FRMD5: variants seen among roughly 807,000 people sequenced by gnomAD.
FRMD5 encodes the protein FERM domain containing 5, also known as FERM domain-containing protein 5.
FRMD5 carries 20 observed loss-of-function variants against 69.0 expected under a neutral mutation model. That is an observed-to-expected ratio of 0.29 (90% CI 0.20 to 0.42). The LOEUF is 0.42. FRMD5 is among the 10% of genes least tolerant of loss of function. The pLI is 1.00. For missense variants in FRMD5, 595 were observed against 708.6 expected (o/e 0.84, Z 1.82); for synonymous variants, 271 against 260.1 (o/e 1.04, Z -0.40).
chr15:43,999,632 C>A (rs1261488813), intron 1 of FRMD5, among the ~76,000 whole-genome samples: 1 of 151,950 alleles, frequency 6.6e-6, no homozygotes, highest in African/African-American at 2.4e-5. Flanking sequence ...CTTTTTTACT[C>A]TTTTTATGCG....
intron 1 of FRMD5, among the ~76,000 whole-genome samples, chr15:44,065,352 T>C (rs1013594134): frequency 5.9e-5 from 9 of 151,714 alleles, no homozygotes; most frequent in Non-Finnish European, 1.3e-4. Context: ...AATTTAGAAA[T>C]CAATTCAAAA....
At chr15:44,032,839 C>CA (rs1891742551) in intron 1 of FRMD5, among the ~76,000 whole-genome samples, 1 of 152,094 alleles carries the variant, frequency 6.6e-6, no homozygotes, top group Non-Finnish European at 1.5e-5. Flanking sequence ...ACCATTGGAC[C>CA]CAGCAATCCC....
intron 7 of FRMD5, among the ~76,000 whole-genome samples, chr15:43,894,764 A>T (rs534952967): frequency 6.6e-6 from 1 of 152,230 alleles, no homozygotes; most frequent in Non-Finnish European, 1.5e-5. Flanking sequence ...CCCCCACTAG[A>T]ACCACAGTGG....
At chr15:44,107,862 A>G (rs1295769697) in intron 1 of FRMD5, among the ~76,000 whole-genome samples, 6 of 152,228 alleles carry the variant, frequency 3.9e-5, no homozygotes, top group Admixed American at 3.9e-4. Context: ...TTGTTATATC[A>G]TTGCTCCTAC....
At chr15:44,088,531 T>C (rs1426205555) in intron 1 of FRMD5, among the ~76,000 whole-genome samples, 1 of 152,198 alleles carries the variant, frequency 6.6e-6, no homozygotes, top group Non-Finnish European at 1.5e-5. Context: ...ATTCCATGTG[T>C]GCACCTCTGA....
chr15:44,083,322 T>C (rs1272503292), intron 1 of FRMD5, among the ~76,000 whole-genome samples: 4 of 152,050 alleles, frequency 2.6e-5, no homozygotes, highest in Non-Finnish European at 5.9e-5. Flanking sequence ...ATTTATTTGA[T>C]AAACTCCTCT....
At chr15:43,939,520 G>T (rs2089825067) in intron 1 of FRMD5, among the ~76,000 whole-genome samples, 1 of 151,950 alleles carries the variant, frequency 6.6e-6, no homozygotes, top group South Asian at 2.1e-4. Flanking sequence ...TCTTATAGTT[G>T]TTCTCTGGGG....
At chr15:44,097,406 A>T (rs141444160) in intron 1 of FRMD5, among the ~76,000 whole-genome samples, 1 of 152,226 alleles carries the variant, frequency 6.6e-6, no homozygotes, top group East Asian at 1.9e-4. Context: ...CTTAGGGCTT[A>T]TCTGGGTCAG....
chr15:44,004,915 G>A (rs1354896369), intron 1 of FRMD5, among the ~76,000 whole-genome samples: 1 of 152,238 alleles, frequency 6.6e-6, no homozygotes. Context: ...GAAATTTAAA[G>A]TGCTACTCCA....
intron 13 of FRMD5, among the ~76,000 whole-genome samples, chr15:43,881,791 A>G (rs1380776622): frequency 2.0e-5 from 3 of 152,206 alleles, no homozygotes; most frequent in Non-Finnish European, 4.4e-5. Context: ...CAACCTCTAG[A>G]CCATAGGGAG....
intron 1 of FRMD5, among the ~76,000 whole-genome samples, chr15:43,980,126 G>A (rs764229190): frequency 2.1e-4 from 32 of 152,220 alleles, no homozygotes; most frequent in African/African-American, 5.3e-4. Flanking sequence ...TTGTTTACTC[G>A]TTTAATGTAG....
At chr15:43,890,532 A>G (rs1323942915) in intron 8 of FRMD5, among the ~76,000 whole-genome samples, 2 of 152,204 alleles carry the variant, frequency 1.3e-5, no homozygotes, top group Admixed American at 6.5e-5. Context: ...AGAATATCAA[A>G]TAGCCCAGAT....
intron 1 of FRMD5, among the ~76,000 whole-genome samples, chr15:44,020,453 T>G (rs952396424): frequency 4.6e-5 from 7 of 152,168 alleles, no homozygotes; most frequent in Non-Finnish European, 1.0e-4. Context: ...CAAGACAGAG[T>G]TCCTGCTCCT....
rs569734648 is a variant in FRMD5 at position 43,884,762 on chromosome 15, A to G, written c.993T>C (p.Ser331=). Residue 331 remains serine, a synonymous_variant, in exon 12 of 14, where the codon AGT becomes AGC. Coordinates refer to ENST00000417257, the MANE Select transcript of FRMD5 (RefSeq NM_032892.5). ...GRVAKEVMES[S]AKIKREPPEI... ...CCGGTGGCTCCCGTTTGATCTTAGCACTTGATTCCATGACTTCCTTTGCAA... is the reference window on the plus strand; with the variant it reads ...CCGGTGGCTCCCGTTTGATCTTAGCGCTTGATTCCATGACTTCCTTTGCAA... The G allele has an allele frequency of 6.2e-7, 1 of 1,614,146 alleles. No homozygotes were observed.
At chr15:43,882,856 G>A (rs2088568572) in intron 13 of FRMD5, among the ~76,000 whole-genome samples, 1 of 152,082 alleles carries the variant, frequency 6.6e-6, no homozygotes, top group Non-Finnish European at 1.5e-5. Flanking sequence ...CTGGAGTGCA[G>A]TGGTGCAATC....
At chr15:44,010,198 G>C (rs1329022481) in intron 1 of FRMD5, among the ~76,000 whole-genome samples, 2 of 152,116 alleles carry the variant, frequency 1.3e-5, no homozygotes, top group African/African-American at 4.8e-5. Flanking sequence ...GGATGGCTTG[G>C]CAATGAATTA....
At chr15:43,910,557 GGA>G (rs1441706730) in intron 4 of FRMD5, among the ~76,000 whole-genome samples, 6 of 136,066 alleles carry the variant, frequency 4.4e-5, no homozygotes, top group African/African-American at 1.8e-4. Context: ...CTGGGCAATC[GGA>G]GAGACCTTGT....
chr15:44,174,980 G>A (rs1035196736), intron 1 of FRMD5, among the ~76,000 whole-genome samples: 1 of 152,116 alleles, frequency 6.6e-6, no homozygotes, highest in African/African-American at 2.4e-5. Flanking sequence ...TAGATGACAG[G>A]TTGATAGGTG....
intron 1 of FRMD5, among the ~76,000 whole-genome samples, chr15:44,189,311 A>C (rs2078154883): frequency 6.6e-6 from 1 of 152,186 alleles, no homozygotes; most frequent in Admixed American, 6.5e-5. Context: ...AATGTTGACA[A>C]CAATAATGAA....
Sources: allele counts gnomAD v4.1 joint callset (sites outside exome capture counted in the v4.1 genomes callset), GRCh38; gene constraint gnomAD v4.1.1; transcripts MANE v1.5; gene names NCBI Gene and HGNC (gene_info 2026-07-23, HGNC 2026-07-21).